DOP1B: variants seen among roughly 807,000 people sequenced by gnomAD.
DOP1B encodes the protein DOP1 leucine zipper like protein B.
Under a neutral mutation model 233.5 loss-of-function variants are expected in DOP1B, and 174 were observed. The ratio of observed to expected loss-of-function variants is 0.75; its 90% CI spans 0.66 to 0.85. DOP1B has a LOEUF of 0.85. Among genes scored for constraint, DOP1B ranks in the 40% least tolerant of loss-of-function variants. DOP1B has a pLI of 0.00. For missense variants in DOP1B, 2,652 were observed against 2,846.6 expected (o/e 0.93, Z 1.56); for synonymous variants, 1,190 against 1,185.6 (o/e 1.00, Z -0.08).
In DOP1B at chr21:36,230,569, C is replaced by G. The variant is rs1169589655; in HGVS notation, c.1785C>G (p.Ala595=). Residue 595 remains alanine, a synonymous_variant, in exon 14 of 37, where the codon GCC becomes GCG. Coordinates refer to ENST00000691173, the MANE Select transcript of DOP1B (RefSeq NM_001320714.2). ...AGGACAGTGGGATCGGGCTCAGTGC[C>G]TCGTCACCGGAGCTCTCTGAGCACT... ...KSEDSGIGLS[A]SSPELSEHLR... The G allele has an allele frequency of 2.5e-6, 4 of 1,614,114 alleles. No individual in the cohort carries two copies. Among genetic ancestry groups the G allele is most frequent in the African/African-American group, 1.3e-5 (1 of 74,940 alleles).
intron 21 of DOP1B, among the ~76,000 whole-genome samples, chr21:36,249,966 T>G (rs1017503960): frequency 4.6e-5 from 7 of 152,198 alleles, no homozygotes; most frequent in African/African-American, 7.2e-5. Flanking sequence ...AAAAAGATTT[T>G]CTAAACCTTT....
chr21:36,270,928 A>G (rs1484800228), intron 27 of DOP1B, among the ~76,000 whole-genome samples: 1 of 146,306 alleles, frequency 6.8e-6, no homozygotes, highest in East Asian at 2.0e-4. Context: ...AAAAAAAAAG[A>G]AAGAAAGAAA....
intron 36 of DOP1B, 142 bp from the exon 37 acceptor site, chr21:36,293,178 C>T: frequency 1.2e-6 from 1 of 856,278 alleles, no homozygotes; most frequent in Admixed American, 2.9e-5. Context: ...TGCACTCCAG[C>T]CTGGGCGACA....
In DOP1B at chr21:36,270,912, CAA is replaced by C. The variant is rs71326665; in HGVS notation, c.5632+768_5632+769del. 8.9e-4 allele frequency among the ~76,000 whole-genome samples: 114 copies of C among 127,780 alleles called. 3 individuals carry two copies. Among genetic ancestry groups the C allele is most frequent in the African/African-American group, 3.0e-3 (102 of 34,402 alleles). The allele number at this position is 127,780 out of a possible 152,430, so 83.8% of individuals were successfully genotyped here. A position where few individuals can be genotyped will look rare whatever the true frequency, so the allele number is the denominator to read the frequency against. On this transcript the variant is annotated intron_variant, in intron 27 of 36. Transcript: ENST00000691173. ...TGGGCGACAGAGTGAGACTACACCT[CAA>C]AAAAAAAAAAAAGAAAGAAAGAAAG...
intron 10 of DOP1B, 79 bp from the exon 11 acceptor site, chr21:36,223,152 C>A: frequency 6.9e-7 from 1 of 1,443,396 alleles, no homozygotes; most frequent in Non-Finnish European, 9.3e-7. Flanking sequence ...ATGGTGAAAT[C>A]AATTACAGTT....
At chr21:36,200,522 G>C (rs377244247) in intron 4 of DOP1B, 21 bp downstream of exon 4, 11 of 1,587,960 alleles carry the variant, frequency 6.9e-6, no homozygotes, top group Non-Finnish European at 9.4e-6. Context: ...GTCTTGTCCA[G>C]GCTGTGTTTA....
chr21:36,231,081 A>T lies in DOP1B; in HGVS notation c.2297A>T (p.Tyr766Phe), dbSNP rs777207825. 6.2e-7 allele frequency: 1 copy of T among 1,612,790 alleles called. No individual in the cohort carries two copies. Among genetic ancestry groups the T allele is most frequent in the Non-Finnish European group, 8.5e-7 (1 of 1,179,578 alleles). Residue 766 changes from tyrosine to phenylalanine, a missense_variant, in exon 14 of 37, where the codon TAC (tyrosine) becomes TTC (phenylalanine). This residue lies in a region of DOP1B where 2,617 missense variants were observed against 2,794.3 expected (regional missense o/e 0.94). Transcript: ENST00000691173. ...CTGGATTGTGCCACTTTCCCTGTCT[A>T]CCTGTCCGAGGAAGAGACCGAGCAG... ...LLLDCATFPV[Y>F]LSEEETEQLC...
At position 36,251,159 on chromosome 21, in the gene DOP1B, T is replaced by G. The variant is rs765871444; in HGVS notation, c.4999-3T>G. On this transcript the variant is annotated splice_polypyrimidine_tract_variant and splice_region_variant and intron_variant, in intron 21 of 36. Transcript: ENST00000691173. ...CAGTAACTTTTTTTTCCCTATTTTCTAGACCATAAGACAAAAAATTTTAGA... is the reference window on the plus strand; with the variant it reads ...CAGTAACTTTTTTTTCCCTATTTTCGAGACCATAAGACAAAAAATTTTAGA... 1.0e-5 allele frequency: 16 copies of G among 1,604,902 alleles called. No individual in the cohort carries two copies. The highest frequency in any genetic ancestry group is 1.4e-5 in the Non-Finnish European group (16 of 1,177,938).
chr21:36,282,218 C>T (rs2067425574), intron 32 of DOP1B, among the ~76,000 whole-genome samples: 1 of 151,628 alleles, frequency 6.6e-6, no homozygotes, highest in Admixed American at 6.6e-5. Flanking sequence ...ATCAGGAGTT[C>T]AAGACCAGCC....
intron 36 of DOP1B, among the ~76,000 whole-genome samples, 165 bp downstream of exon 36, chr21:36,292,398 A>G (rs1454986571): frequency 6.6e-6 from 1 of 151,508 alleles, no homozygotes; most frequent in African/African-American, 2.4e-5. Context: ...CTGGGATTAC[A>G]GGAATGTGCC....
At chr21:36,163,275 C>G (rs140524000) in intron 1 of DOP1B, among the ~76,000 whole-genome samples, 115 of 144,500 alleles carry the variant, frequency 8.0e-4, no homozygotes, top group African/African-American at 2.8e-3. Context: ...ACCCAGGAAG[C>G]AGAGGTTGCA....
chr21:36,238,767 A>G (rs2066856477), intron 17 of DOP1B, 66 bp downstream of exon 17: 3 of 1,497,474 alleles, frequency 2.0e-6, no homozygotes, highest in African/African-American at 1.4e-5. Context: ...TGCCTGCCCA[A>G]CGTGTGGGGC....
rs144828948 is a variant in DOP1B at position 36,221,657 on chromosome 21, A to T, written c.1251-1574A>T. 8.4e-4 allele frequency among the ~76,000 whole-genome samples: 127 copies of T among 151,158 alleles called. No homozygotes were observed. In the East Asian group the frequency reaches 0.023, roughly 28 times the overall value. ...AGTGATGTGGTCTTGGCTCACTGCA[A>T]CTCCACCTCCCAAGTTCAAGTGATT... On this transcript the variant is annotated intron_variant, in intron 10 of 36. Transcript: ENST00000691173.
intron 8 of DOP1B, 49 bp downstream of exon 8, chr21:36,214,239 C>A (rs770551849): frequency 1.3e-6 from 2 of 1,499,570 alleles, no homozygotes; most frequent in African/African-American, 1.4e-5. Flanking sequence ...TGACGATTCT[C>A]CAGTGGATTT....
In DOP1B at chr21:36,280,956, C is replaced by T. The variant is rs1243232448; in HGVS notation, c.6032-527C>T. 4.0e-5 allele frequency among the ~76,000 whole-genome samples: 6 copies of T among 151,404 alleles called. 1 individual carries two copies. The highest frequency in any genetic ancestry group is 2.1e-4 in the South Asian group (1 of 4,786). On this transcript the variant is annotated intron_variant, in intron 31 of 36. Transcript: ENST00000691173. ...GGCAGAGATTACAGTGAGCCAAGAT[C>T]GTGCCACTGCACTCCAGCCTGGGCG...
At chr21:36,160,088 G>A (rs1204492186) in intron 1 of DOP1B, among the ~76,000 whole-genome samples, 2 of 152,042 alleles carry the variant, frequency 1.3e-5, no homozygotes, top group African/African-American at 2.4e-5. Flanking sequence ...GAGTATTGCG[G>A]TGGTTTAGAG....
At position 36,206,546 on chromosome 21, in the gene DOP1B, T is replaced by A. The variant is rs7281605; in HGVS notation, c.492-2169T>A. Among the ~76,000 whole-genome samples, 251 of 144,042 alleles carry A rather than the reference T, an allele frequency of 1.7e-3. 1 individual carries two copies. Among genetic ancestry groups the A allele is most frequent in the Middle Eastern group, 0.011 (3 of 278 alleles). The allele number at this position is 144,042 out of a possible 152,430, so 94.5% of individuals were successfully genotyped here. On this transcript the variant is annotated intron_variant, in intron 4 of 36. Coordinates refer to ENST00000691173, the MANE Select transcript of DOP1B (RefSeq NM_001320714.2). Reference sequence around the variant, plus strand: ...CCCTGCCTCAAAAAAAAAAAAAAAATTATTTCTTTAATAGAAAGCTAGTAG... The same window carrying A: ...CCCTGCCTCAAAAAAAAAAAAAAAAATATTTCTTTAATAGAAAGCTAGTAG...
chr21:36,199,957 C>T (rs530306886), intron 3 of DOP1B, among the ~76,000 whole-genome samples: 20 of 152,208 alleles, frequency 1.3e-4, no homozygotes, highest in Non-Finnish European at 2.4e-4. Context: ...TACCCAGTAA[C>T]GGGATGGCTG....
intron 26 of DOP1B, among the ~76,000 whole-genome samples, chr21:36,264,140 C>T (rs1569060014): frequency 6.6e-6 from 1 of 152,164 alleles, no homozygotes; most frequent in African/African-American, 2.4e-5. Flanking sequence ...CTTATTTCCC[C>T]CCAGACGCGG....
Sources: allele counts gnomAD v4.1 joint callset (sites outside exome capture counted in the v4.1 genomes callset), GRCh38; gene constraint gnomAD v4.1.1; regional missense constraint gnomAD v4.1.1; transcripts MANE v1.5; gene names NCBI Gene and HGNC (gene_info 2026-07-23, HGNC 2026-07-21).